Variants in LIF observed in about 807,000 individuals in gnomAD.
LIF encodes the protein LIF interleukin 6 family cytokine.
LIF carries 9 observed loss-of-function variants against 15.0 expected under a neutral mutation model. The observed-to-expected ratio is 0.60, with a 90% CI of 0.36 to 1.04. The LOEUF is 1.04. LIF is among the 50% of genes least tolerant of loss of function. LIF has a pLI of 0.01. For synonymous variants in LIF, 122 were observed against 119.7 expected (o/e 1.02, Z -0.13); for missense variants, 240 against 266.7 (o/e 0.90, Z 0.70).
Position 30,244,810 on chromosome 22 carries a change from A to G in LIF, c.143T>C (p.Ile48Thr). ...HPCHNNLMNQ[I>T]RSQLAQLNGS... The stretch of plus-strand genomic sequence containing the variant: ...ATTGAGCTGTGCCAGTTGGCTCCTG[A>G]TCTGGTTCATGAGGTTGTTGTGACA... The change falls in exon 2 of 3, where the codon ATC becomes ACC. Residue 48 changes from isoleucine to threonine, a missense_variant. Transcript: ENST00000249075. 2 of 1,614,138 alleles carry G rather than the reference A, an allele frequency of 1.2e-6. No homozygotes were observed. Among genetic ancestry groups the G allele is most frequent in the Non-Finnish European group, 1.7e-6 (2 of 1,180,016 alleles).
intron 1 of LIF, 141 bp downstream of exon 1, chr22:30,246,536 C>A (rs1028840897): frequency 2.3e-6 from 3 of 1,321,282 alleles, no homozygotes; most frequent in African/African-American, 1.6e-5. Context: ...CGCCACCCAG[C>A]GCCTCCGGTG....
rs780124710 is a variant in LIF, at chr22:30,243,738, A to C, written c.522T>G (p.Gly174=). The change falls in exon 3 of 3, where the codon GGT becomes GGG. Residue 174 remains glycine, a synonymous_variant. Coordinates refer to ENST00000249075, the MANE Select transcript of LIF (RefSeq NM_002309.5). The surrounding 1 kb of genome is among the most constrained non-coding windows in gnomAD (Gnocchi z 6.0). ...GCTTCTTCTTCTGGAAGACATCCTTACCCGAGGTGTCAGGGCCGTAGGTCA... is the reference window on the plus strand; with the variant it reads ...GCTTCTTCTTCTGGAAGACATCCTTCCCCGAGGTGTCAGGGCCGTAGGTCA... ...VDVTYGPDTS[G]KDVFQKKKLG... 69 of 1,614,112 alleles carry C rather than the reference A, an allele frequency of 4.3e-5. No individual in the cohort carries two copies. In the Middle Eastern group the frequency reaches 4.9e-4, roughly 12 times the overall value.
In LIF at chr22:30,243,631, G is replaced by A; in HGVS notation, c.*20C>T. ...AACTCCTGAGATCCCTCGGTTCACAGCACACTTCAAGACCTCCTGCTAGAA... is the reference window on the plus strand; with the variant it reads ...AACTCCTGAGATCCCTCGGTTCACAACACACTTCAAGACCTCCTGCTAGAA... On this transcript the variant is annotated 3_prime_UTR_variant, in exon 3 of 3. Coordinates refer to ENST00000249075, the MANE Select transcript of LIF (RefSeq NM_002309.5). This position sits in a 1 kb window ranked among gnomAD's most constrained non-coding sequence, Gnocchi z 6.0. 6.2e-7 allele frequency: 1 copy of A among 1,614,052 alleles called. No individual in the cohort carries two copies. The highest frequency in any genetic ancestry group is 8.5e-7 in the Non-Finnish European group (1 of 1,180,014).
At chr22:30,245,160 G>A (rs1043248664) in intron 1 of LIF, among the ~76,000 whole-genome samples, 4 of 152,164 alleles carry the variant, frequency 2.6e-5, no homozygotes, top group African/African-American at 4.8e-5. Flanking sequence ...CTGGGATGAC[G>A]TAAAGATGAG....
In LIF at chr22:30,240,951, T is replaced by A. The variant is rs1420394599; in HGVS notation, c.*2700A>T. 6.6e-6 allele frequency: 1 copy of A among 152,160 alleles called. No individual in the cohort carries two copies. Among genetic ancestry groups the A allele is most frequent in the Non-Finnish European group, 1.5e-5 (1 of 68,030 alleles). The allele number at this position is 152,160 out of a possible 1,614,324, so 9.4% of individuals were successfully genotyped here. A position where few individuals can be genotyped will look rare whatever the true frequency, so the allele number is the denominator to read the frequency against. ...AGACAAGTAAACTAGCAGTGCTTTTTAAAAAAATGTTTAAATAATAAATAA... is the reference window on the plus strand; with the variant it reads ...AGACAAGTAAACTAGCAGTGCTTTTAAAAAAAATGTTTAAATAATAAATAA... On this transcript the variant is annotated 3_prime_UTR_variant, in exon 3 of 3. Coordinates refer to ENST00000249075, the MANE Select transcript of LIF (RefSeq NM_002309.5).
At chr22:30,244,541 GT>G (rs1928800324) in intron 2 of LIF, among the ~76,000 whole-genome samples, 1 of 152,122 alleles carries the variant, frequency 6.6e-6, no homozygotes, top group Non-Finnish European at 1.5e-5. Context: ...TTTGCACTCA[GT>G]TCTCCCCTTG....
chr22:30,243,588 GC>G lies in LIF; in HGVS notation c.*62del. 2 of 1,606,094 alleles carry G rather than the reference GC, an allele frequency of 1.2e-6. No homozygotes were observed. Among genetic ancestry groups the G allele is most frequent in the East Asian group, 2.2e-5 (1 of 44,866 alleles). On this transcript the variant is annotated 3_prime_UTR_variant, in exon 3 of 3. Transcript: ENST00000249075. The surrounding 1 kb of genome is among the most constrained non-coding windows in gnomAD (Gnocchi z 6.0). Reference sequence around the variant, plus strand: ...CTGGGCCCCAGCCACCCTTGGACAGGCCCCCACATCTGGACCCAACTCCTGA... The same window carrying G: ...CTGGGCCCCAGCCACCCTTGGACAGGCCCCACATCTGGACCCAACTCCTGA...
rs1309707710 is a variant in LIF at position 30,242,778 on chromosome 22, C to T, written c.*873G>A. The T allele has an allele frequency of 6.5e-6, 1 of 152,764 alleles. No homozygotes were observed. Among genetic ancestry groups the T allele is most frequent in the Non-Finnish European group, 1.5e-5 (1 of 68,156 alleles). The allele number at this position is 152,764 out of a possible 1,614,324, so 9.5% of individuals were successfully genotyped here. ...GAGCTGCTACTCTGAGCTACCCCAGCCCCTTCTTACAGACCTTTACCCAGA... is the reference window on the plus strand; with the variant it reads ...GAGCTGCTACTCTGAGCTACCCCAGTCCCTTCTTACAGACCTTTACCCAGA... On this transcript the variant is annotated 3_prime_UTR_variant, in exon 3 of 3. Transcript: ENST00000249075.
rs959545126 is a variant in LIF at position 30,240,698 on chromosome 22, G to C, written c.*2953C>G. 1 of 152,502 alleles carries C rather than the reference G, an allele frequency of 6.6e-6. No individual in the cohort carries two copies. The highest frequency in any genetic ancestry group is 1.5e-5 in the Non-Finnish European group (1 of 68,018). 9.4% of individuals were successfully genotyped at this position (152,502 alleles called of 1,614,324 possible). A position where few individuals can be genotyped will look rare whatever the true frequency, so the allele number is the denominator to read the frequency against. On this transcript the variant is annotated 3_prime_UTR_variant, in exon 3 of 3. Coordinates refer to ENST00000249075, the MANE Select transcript of LIF (RefSeq NM_002309.5). ...GGGCCCACGGAGCTAGCACGTGGGC[G>C]GGACTGAAGGCTGGATGCCGGGATT...
At chr22:30,244,644 T>C (rs1321907201) in intron 2 of LIF, 111 bp downstream of exon 2, 1 of 1,036,752 alleles carries the variant, frequency 9.6e-7, no homozygotes. Context: ...CTCTCCCCAT[T>C]CTCTCCTTCC....
intron 1 of LIF, among the ~76,000 whole-genome samples, 185 bp from the exon 2 acceptor site, chr22:30,245,118 C>A (rs151216059): frequency 6.6e-6 from 1 of 152,198 alleles, no homozygotes; most frequent in Admixed American, 6.5e-5. Flanking sequence ...TCTCTGTCTC[C>A]CTTTCTCTAC....
At position 30,246,635 on chromosome 22, in the gene LIF, C is replaced by T. The variant is rs1406699141; in HGVS notation, c.19+42G>A. The T allele has an allele frequency of 1.9e-6, 3 of 1,544,606 alleles. No individual in the cohort carries two copies. In the South Asian group the frequency reaches 3.6e-5, roughly 18 times the overall value. On this transcript the variant is annotated intron_variant, in intron 1 of 2. Coordinates refer to ENST00000249075, the MANE Select transcript of LIF (RefSeq NM_002309.5). The stretch of plus-strand genomic sequence containing the variant: ...AGCGCCCCAAGTTGCCGCCGCGCCC[C>T]GCAGCGGGGACGCGAAGCCGGCGCG...
In LIF at chr22:30,244,936, G is replaced by A. The variant is rs1216721279; in HGVS notation, c.20-3C>T. The A allele has an allele frequency of 6.2e-7, 1 of 1,613,966 alleles. No homozygotes were observed. The highest frequency in any genetic ancestry group is 1.1e-5 in the South Asian group (1 of 91,066). ...AACCAACAGCAGGGGCACAACTCCT[G>A]GGGACAGTCAGGAAGAAGCCATGAG... On this transcript the variant is annotated splice_polypyrimidine_tract_variant and splice_region_variant and intron_variant, in intron 1 of 2. Transcript: ENST00000249075.
Position 30,243,838 on chromosome 22 carries a change from G to A in LIF, c.422C>T (p.Ala141Val), listed in dbSNP as rs1928764149. The A allele has an allele frequency of 6.2e-7, 1 of 1,614,140 alleles. No individual in the cohort carries two copies. The highest frequency in any genetic ancestry group is 1.3e-5 in the African/African-American group (1 of 74,944). Residue 141 changes from alanine (A) to valine (V), a missense_variant, in exon 3 of 3, where the codon GCC (alanine) becomes GTC (valine). Coordinates refer to ENST00000249075, the MANE Select transcript of LIF (RefSeq NM_002309.5). This position sits in a 1 kb window ranked among gnomAD's most constrained non-coding sequence, Gnocchi z 6.0. ...LSLHSKLNAT[A>V]DILRGLLSNV... ...GCTAAGGAGGCCTCGCAGGATGTCG[G>A]CGGTGGCGTTGAGCTTGCTGTGGAG...
chr22:30,245,006 G>A (rs1928826805), intron 1 of LIF, 73 bp from the exon 2 acceptor site: 3 of 1,477,622 alleles, frequency 2.0e-6, no homozygotes, highest in Admixed American at 1.8e-5. Flanking sequence ...CACACCGGAT[G>A]GGGGTCCAAC....
chr22:30,246,483 G>A, intron 1 of LIF, 194 bp downstream of exon 1: 1 of 1,230,884 alleles, frequency 8.1e-7, no homozygotes, highest in African/African-American at 1.6e-5. Flanking sequence ...CCTGCCGCGG[G>A]GCGTGCGGTG....
chr22:30,246,755 T>C lies in LIF; in HGVS notation c.-60A>G. On this transcript the variant is annotated 5_prime_UTR_variant, in exon 1 of 3. Transcript: ENST00000249075. The stretch of plus-strand genomic sequence containing the variant: ...CTCAGATGCCGGCAGTTTTCAGAGG[T>C]TCATGCTCAAATGGGGAATTTGCCT... 1 of 1,536,676 alleles carries C rather than the reference T, an allele frequency of 6.5e-7. No homozygotes were observed. Among genetic ancestry groups the C allele is most frequent in the Non-Finnish European group, 8.8e-7 (1 of 1,134,300 alleles).
Position 30,241,151 on chromosome 22 carries a change from A to G in LIF, c.*2500T>C, listed in dbSNP as rs370781531. On this transcript the variant is annotated 3_prime_UTR_variant, in exon 3 of 3. Coordinates refer to ENST00000249075, the MANE Select transcript of LIF (RefSeq NM_002309.5). The surrounding 1 kb of genome is among the most constrained non-coding windows in gnomAD (Gnocchi z 4.4). ...TGCAGGGTGGACGCCAAGCTGCCGG[A>G]CGGGATCTGGAGGGAGCACTGAGGA... 5.3e-5 allele frequency: 8 copies of G among 152,260 alleles called. No homozygotes were observed. Among genetic ancestry groups the G allele is most frequent in the African/African-American group, 1.9e-4 (8 of 41,420 alleles). The allele number at this position is 152,260 out of a possible 1,614,324, so 9.4% of individuals were successfully genotyped here.
chr22:30,246,597 GC>G, intron 1 of LIF, 79 bp downstream of exon 1: 1 of 1,515,302 alleles, frequency 6.6e-7, no homozygotes, highest in Non-Finnish European at 8.9e-7. Flanking sequence ...TGGGCGTCCG[GC>G]TCGCGCTGCC....
Sources: gnomAD v4.1 joint callset for allele counts (sites outside exome capture counted in the v4.1 genomes callset) on GRCh38, gnomAD v4.1.1 for gene constraint, Gnocchi (gnomAD v3.1) non-coding constraint, MANE v1.5 for transcripts, NCBI Gene and HGNC (gene_info 2026-07-23, HGNC 2026-07-21) for gene names.